The following SGIP1 variants were observed in gnomAD, a reference collection of about 807,000 sequenced individuals.
The protein encoded by SGIP1 is SH3-containing GRB2-like protein 3-interacting protein 1.
SGIP1 carries 38 observed loss-of-function variants against 107.5 expected under a neutral mutation model. The ratio of observed to expected loss-of-function variants is 0.35; its 90% CI spans 0.27 to 0.46. The LOEUF (loss-of-function observed/expected upper bound fraction) is 0.46. Ranked by LOEUF, SGIP1 falls within the 20% of genes least tolerant of loss-of-function variation. The pLI, the probability that SGIP1 is intolerant of heterozygous loss-of-function variation, is 1.00. For missense variants in SGIP1, 929 were observed against 1,019.5 expected (o/e 0.91, Z 1.21); for synonymous variants, 365 against 366.1 (o/e 1.00, Z 0.03).
intron 1 of SGIP1, among the ~76,000 whole-genome samples, chr1:66,614,666 C>G (rs1284938373): frequency 6.6e-6 from 1 of 151,916 alleles, no homozygotes; most frequent in African/African-American, 2.4e-5. Context: ...TTCATAGATC[C>G]TTATTCAATA....
chr1:66,743,182 A>C lies in SGIP1; in HGVS notation c.*87A>C. Reference sequence around the variant, plus strand: ...ATTTTAATTTTGGTTTGATGAAAACAAACCAATATCTGCACTTGGGATATA... The same window carrying C: ...ATTTTAATTTTGGTTTGATGAAAACCAACCAATATCTGCACTTGGGATATA... On this transcript the variant is annotated 3_prime_UTR_variant, in exon 25 of 25. Transcript: ENST00000371037. The C allele has an allele frequency of 7.1e-7, 1 of 1,402,806 alleles. No homozygotes were observed. The highest frequency in any genetic ancestry group is 1.2e-5 in the South Asian group (1 of 84,076). The allele number at this position is 1,402,806 out of a possible 1,614,324, so 86.9% of individuals were successfully genotyped here. A position where few individuals can be genotyped will look rare whatever the true frequency, so the allele number is the denominator to read the frequency against.
intron 1 of SGIP1, among the ~76,000 whole-genome samples, chr1:66,570,557 C>G (rs2060245365): frequency 6.6e-6 from 1 of 151,854 alleles, no homozygotes; most frequent in Admixed American, 6.6e-5. Flanking sequence ...AGTGTGATAT[C>G]CAATAGTTTC....
At chr1:66,666,580 GA>G (rs1353430979) in intron 8 of SGIP1, 5 of 152,434 alleles carry the variant, frequency 3.3e-5, no homozygotes, top group African/African-American at 1.2e-4. Context: ...CCATTTTCAT[GA>G]TATTGATTCT....
chr1:66,614,993 AT>A (rs977764824), intron 1 of SGIP1, among the ~76,000 whole-genome samples: 1 of 149,734 alleles, frequency 6.7e-6, no homozygotes, highest in Non-Finnish European at 1.5e-5. Context: ...CTAATTTTGT[AT>A]TTTTTTAGTA....
chr1:66,720,186 T>C (rs1277454273), intron 19 of SGIP1, among the ~76,000 whole-genome samples: 1 of 152,208 alleles, frequency 6.6e-6, no homozygotes, highest in Non-Finnish European at 1.5e-5. Flanking sequence ...TGCATTATTC[T>C]ATAAAAAGAG....
At position 66,534,251 on chromosome 1, in the gene SGIP1, G is replaced by A; in HGVS notation, c.-108G>A. 4 of 1,189,830 alleles carry A rather than the reference G, an allele frequency of 3.4e-6. No individual in the cohort carries two copies. The South Asian group carries it at 3.7e-5, about 11-fold the overall frequency. The allele number at this position is 1,189,830 out of a possible 1,614,324, so 73.7% of individuals were successfully genotyped here. ...ATCTCCTTTGGCTTTGACAGCGGACGGAATAGACCTCAGCAGCGGCGTGGT... is the reference window on the plus strand; with the variant it reads ...ATCTCCTTTGGCTTTGACAGCGGACAGAATAGACCTCAGCAGCGGCGTGGT... On this transcript the variant is annotated 5_prime_UTR_variant, in exon 1 of 25. Transcript: ENST00000371037.
intron 1 of SGIP1, among the ~76,000 whole-genome samples, chr1:66,543,059 C>T (rs1443475997): frequency 6.6e-6 from 1 of 152,182 alleles, no homozygotes; most frequent in Non-Finnish European, 1.5e-5. Context: ...ATTATCAGGT[C>T]ATGATCTTTC....
At chr1:66,651,376 A>G (rs1217454395) in intron 7 of SGIP1, among the ~76,000 whole-genome samples, 2 of 152,198 alleles carry the variant, frequency 1.3e-5, no homozygotes, top group African/African-American at 2.4e-5. Flanking sequence ...CACTCGAAGC[A>G]TCACAGCTAG....
intron 24 of SGIP1, 124 bp downstream of exon 24, chr1:66,741,560 C>G (rs1210659749): frequency 9.8e-7 from 1 of 1,022,214 alleles, no homozygotes; most frequent in African/African-American, 1.7e-5. Context: ...ACCCCCATCC[C>G]AATTAGAAAA....
intron 1 of SGIP1, among the ~76,000 whole-genome samples, chr1:66,613,121 G>A (rs910106733): frequency 1.3e-5 from 2 of 152,014 alleles, no homozygotes; most frequent in Non-Finnish European, 2.9e-5. Context: ...TTGTCTTTTG[G>A]TGTTGTAGAA....
At chr1:66,577,321 T>C (rs1358471765) in intron 1 of SGIP1, among the ~76,000 whole-genome samples, 1 of 152,190 alleles carries the variant, frequency 6.6e-6, no homozygotes, top group East Asian at 1.9e-4. Context: ...TGGTCAAGTA[T>C]CCAGGTCTAC....
intron 5 of SGIP1, among the ~76,000 whole-genome samples, chr1:66,640,117 ATTC>A (rs1472989506): frequency 6.6e-6 from 1 of 152,138 alleles, no homozygotes; most frequent in Admixed American, 6.5e-5. Context: ...GCCCAAGACG[ATTC>A]TTCTTCTTCC....
At chr1:66,556,611 T>C (rs1460773167) in intron 1 of SGIP1, among the ~76,000 whole-genome samples, 2 of 152,044 alleles carry the variant, frequency 1.3e-5, no homozygotes, top group Non-Finnish European at 2.9e-5. Flanking sequence ...GTGTCACTGG[T>C]ACCCTCAAAA....
chr1:66,667,433 T>C lies in SGIP1; in HGVS notation c.472-97T>C, dbSNP rs1290218584. On this transcript the variant is annotated intron_variant, in intron 8 of 24. Transcript: ENST00000371037. ...CTGATTCTCTGGAGTGTATGTTTGG[T>C]TAGCTGCTTATAAAGTCTTCTGTTA... 6 of 1,123,144 alleles carry C rather than the reference T, an allele frequency of 5.3e-6. No homozygotes were observed. The African/African-American group carries it at 9.2e-5, about 17-fold the overall frequency. The allele number at this position is 1,123,144 out of a possible 1,614,324, so 69.6% of individuals were successfully genotyped here. A position where few individuals can be genotyped will look rare whatever the true frequency, so the allele number is the denominator to read the frequency against.
At chr1:66,569,622 T>C (rs1168212939) in intron 1 of SGIP1, among the ~76,000 whole-genome samples, 2 of 151,880 alleles carry the variant, frequency 1.3e-5, no homozygotes, top group Non-Finnish European at 2.9e-5. Flanking sequence ...TATATAATTT[T>C]TTTATACATT....
At chr1:66,661,325 G>A (rs982343112) in intron 8 of SGIP1, among the ~76,000 whole-genome samples, 4 of 152,144 alleles carry the variant, frequency 2.6e-5, no homozygotes, top group Non-Finnish European at 5.9e-5. Context: ...CAAGTGACCG[G>A]TTTGTTGTTA....
intron 19 of SGIP1, among the ~76,000 whole-genome samples, chr1:66,721,636 T>A (rs1466584870): frequency 6.6e-6 from 1 of 152,158 alleles, no homozygotes; most frequent in Non-Finnish European, 1.5e-5. Context: ...CTTGAACTCC[T>A]GGGCTCAAAT....
At position 66,690,239 on chromosome 1, in the gene SGIP1, C is replaced by T. The variant is rs1571874977; in HGVS notation, c.1493C>T (p.Ala498Val). The change falls in exon 17 of 25, where the codon GCA (alanine) becomes GTA (valine). Residue 498 changes from alanine (A) to valine (V), a missense_variant. Coordinates refer to ENST00000371037, the MANE Select transcript of SGIP1 (RefSeq NM_032291.4). Reference sequence around the variant, plus strand: ...CATTCTTCCAGCCCTCCTCCAATAGCACCCTTAGCGCGGGCTGAAAGCACT... The same window carrying T: ...CATTCTTCCAGCCCTCCTCCAATAGTACCCTTAGCGCGGGCTGAAAGCACT... ...PIHSSSPPPI[A>V]PLARAESTSS... 1 of 1,614,172 alleles carries T rather than the reference C, an allele frequency of 6.2e-7. No homozygotes were observed.
intron 7 of SGIP1, 73 bp from the exon 8 acceptor site, chr1:66,660,440 T>A (rs745747196): frequency 1.4e-6 from 2 of 1,416,946 alleles, no homozygotes; most frequent in Non-Finnish European, 2.0e-6. Flanking sequence ...AACCTTGACC[T>A]GTTTCTTCTT....
Sources: allele counts gnomAD v4.1 joint callset (sites outside exome capture counted in the v4.1 genomes callset), GRCh38; gene constraint gnomAD v4.1.1; transcripts MANE v1.5; gene names NCBI Gene and HGNC (gene_info 2026-07-23, HGNC 2026-07-21).